Variants in HECW2 observed in about 807,000 individuals in gnomAD.
The protein encoded by HECW2 is HECT, C2 and WW domain containing E3 ubiquitin protein ligase 2, also known as E3 ubiquitin-protein ligase HECW2.
A neutral mutation model predicts 175.2 loss-of-function variants in HECW2; 61 were observed. The observed-to-expected ratio is 0.35, with a 90% CI of 0.28 to 0.43. The LOEUF is 0.43. Among genes scored for constraint, HECW2 ranks in the 20% least tolerant of loss-of-function variants. The pLI is 1.00. For missense variants in HECW2, 1,524 were observed against 2,000.5 expected (o/e 0.76, Z 4.54); for synonymous variants, 671 against 731.0 (o/e 0.92, Z 1.32).
chr2:196,439,873 A>G (rs1215936381), intron 1 of HECW2, among the ~76,000 whole-genome samples: 1 of 152,194 alleles, frequency 6.6e-6, no homozygotes, highest in Non-Finnish European at 1.5e-5. Flanking sequence ...CAAGGAACCC[A>G]GCGCTGTTGG....
At chr2:196,561,244 T>C (rs921749946) in intron 1 of HECW2, among the ~76,000 whole-genome samples, 1 of 152,238 alleles carries the variant, frequency 6.6e-6, no homozygotes, top group Non-Finnish European at 1.5e-5. Flanking sequence ...AGATAAGGGA[T>C]AAAACACGCC....
At chr2:196,278,858 T>C (rs1258222635) in intron 14 of HECW2, among the ~76,000 whole-genome samples, 196 bp from the exon 15 acceptor site, 2 of 152,002 alleles carry the variant, frequency 1.3e-5, no homozygotes, top group Non-Finnish European at 2.9e-5. Context: ...TTAGATGAGA[T>C]CCAGAACGAA....
chr2:196,382,057 G>C (rs1694220801), intron 2 of HECW2, among the ~76,000 whole-genome samples: 1 of 152,004 alleles, frequency 6.6e-6, no homozygotes, highest in Non-Finnish European at 1.5e-5. Context: ...TCTATGTTCT[G>C]ACCTGGAAAA....
At position 196,521,304 on chromosome 2, in the gene HECW2, A is replaced by AAG. The variant is rs577951025; in HGVS notation, c.-36+72203_-36+72204insCT. ...TAACAAAAAAAAAAAAAAAAAAAAA[A>AAG]AAAGAAAGAAAAAGAAAATCCTATC... On this transcript the variant is annotated intron_variant, in intron 1 of 28. Coordinates refer to ENST00000644978, the MANE Select transcript of HECW2 (RefSeq NM_001348768.2). Among the ~76,000 whole-genome samples the AAG allele has an allele frequency of 3.5e-3, 518 of 148,000 alleles. 1 individual carries two copies. The highest frequency in any genetic ancestry group is 0.013 in the African/African-American group (490 of 39,164).
intron 2 of HECW2, among the ~76,000 whole-genome samples, chr2:196,345,619 A>G (rs1692928278): frequency 6.6e-6 from 1 of 152,310 alleles, no homozygotes; most frequent in African/African-American, 2.4e-5. Flanking sequence ...ACCTGCCTTC[A>G]GGCTTCTTGC....
At chr2:196,298,773 T>G (rs1261863221) in intron 13 of HECW2, among the ~76,000 whole-genome samples, 1 of 152,152 alleles carries the variant, frequency 6.6e-6, no homozygotes, top group Non-Finnish European at 1.5e-5. Context: ...TACCTTCAAG[T>G]CATAAAAAAA....
chr2:196,275,034 CA>C (rs1289592222), intron 15 of HECW2, among the ~76,000 whole-genome samples: 40 of 152,190 alleles, frequency 2.6e-4, no homozygotes, highest in African/African-American at 8.9e-4. Flanking sequence ...GCCCTTTTAT[CA>C]TGTTGCATCA....
At chr2:196,498,992 C>T (rs1313671515) in intron 1 of HECW2, among the ~76,000 whole-genome samples, 2 of 152,152 alleles carry the variant, frequency 1.3e-5, no homozygotes, top group Non-Finnish European at 2.9e-5. Context: ...CCTATAATTT[C>T]ATCCAAGACC....
In HECW2 at chr2:196,220,808, C is replaced by A; in HGVS notation, c.4280G>T (p.Arg1427Leu). The A allele has an allele frequency of 6.2e-7, 1 of 1,614,104 alleles. No individual in the cohort carries two copies. Among genetic ancestry groups the A allele is most frequent in the East Asian group, 2.2e-5 (1 of 44,884 alleles). The change falls in exon 25 of 29, where the codon CGT becomes CTT. Residue 1427 changes from arginine (R) to leucine (L), a missense_variant. By Grantham distance (102) the Arg-to-Leu change is moderately radical. Around this residue, in one of 11 missense-constraint regions of HECW2, gnomAD observed 134 missense variants for 287.8 expected, o/e 0.47. Transcript: ENST00000644978. ...GATTGTCTTTACCTCATAGAAGCCA[C>A]GCACTAAGCTCTCTGTTTGCTGTAC... ...GVVQQTESLVRGFYEVVDARL... is the reference protein window; with the variant it reads ...GVVQQTESLVLGFYEVVDARL...
At position 196,244,569 on chromosome 2, in the gene HECW2, G is replaced by A. The variant is rs527328456; in HGVS notation, c.3530-2365C>T. Among the ~76,000 whole-genome samples, 369 of 152,144 alleles carry A rather than the reference G, an allele frequency of 2.4e-3. 1 individual carries two copies. The highest frequency in any genetic ancestry group is 8.5e-3 in the African/African-American group (354 of 41,506). On this transcript the variant is annotated intron_variant, in intron 19 of 28. Coordinates refer to ENST00000644978, the MANE Select transcript of HECW2 (RefSeq NM_001348768.2). ...CATGGCTGCCTGCCCCCCAAGCCCCGCAAGCATTTGTTAAGATCAGTGTTA... is the reference window on the plus strand; with the variant it reads ...CATGGCTGCCTGCCCCCCAAGCCCCACAAGCATTTGTTAAGATCAGTGTTA...
chr2:196,379,468 G>A (rs563312835), intron 2 of HECW2, among the ~76,000 whole-genome samples: 4 of 152,094 alleles, frequency 2.6e-5, no homozygotes, highest in South Asian at 2.1e-4. Flanking sequence ...GGTGGATCAC[G>A]AGGTCAGGAG....
chr2:196,529,111 T>G (rs542844843), intron 1 of HECW2, among the ~76,000 whole-genome samples: 3 of 152,284 alleles, frequency 2.0e-5, no homozygotes, highest in African/African-American at 7.2e-5. Flanking sequence ...CTACACACAA[T>G]TACCCTGTAA....
chr2:196,591,185 G>A (rs1218286638), intron 1 of HECW2, among the ~76,000 whole-genome samples: 1 of 152,164 alleles, frequency 6.6e-6, no homozygotes, highest in Non-Finnish European at 1.5e-5. Context: ...CCAATACCGT[G>A]ATAGAGGCGA....
intron 1 of HECW2, among the ~76,000 whole-genome samples, chr2:196,554,693 T>A (rs528136657): frequency 7.7e-4 from 118 of 152,348 alleles, no homozygotes; most frequent in African/African-American, 2.8e-3. Flanking sequence ...TCTTTTCTTA[T>A]TCCAATTCCA....
chr2:196,537,101 C>T (rs1689046252), intron 1 of HECW2, among the ~76,000 whole-genome samples: 1 of 152,174 alleles, frequency 6.6e-6, no homozygotes, highest in African/African-American at 2.4e-5. Flanking sequence ...TTCCTTCTCC[C>T]TCCATATCTC....
chr2:196,555,041 C>T (rs908217437), intron 1 of HECW2, among the ~76,000 whole-genome samples: 24 of 152,024 alleles, frequency 1.6e-4, no homozygotes, highest in African/African-American at 5.3e-4. Context: ...CCTTCAAGGT[C>T]GCCCAAAATA....
chr2:196,404,668 T>C (rs1559091135), intron 2 of HECW2, among the ~76,000 whole-genome samples: 1 of 152,142 alleles, frequency 6.6e-6, no homozygotes, highest in Non-Finnish European at 1.5e-5. Flanking sequence ...GTGCTCCCAC[T>C]ACAGAAACCC....
At chr2:196,377,689 T>C (rs140314267) in intron 2 of HECW2, among the ~76,000 whole-genome samples, 1 of 152,344 alleles carries the variant, frequency 6.6e-6, no homozygotes, top group Admixed American at 6.5e-5. Context: ...AACCATATCA[T>C]GCAGATTTTC....
At chr2:196,220,276 A>C (rs1687618830) in intron 25 of HECW2, 123 bp from the exon 26 acceptor site, 2 of 661,540 alleles carry the variant, frequency 3.0e-6, no homozygotes, top group South Asian at 1.7e-5. Flanking sequence ...TTGTGTTGGC[A>C]CTTGAAAACC....
Sources: allele counts gnomAD v4.1 joint callset (sites outside exome capture counted in the v4.1 genomes callset), GRCh38; gene constraint gnomAD v4.1.1; regional missense constraint gnomAD v4.1.1; transcripts MANE v1.5; gene names NCBI Gene and HGNC (gene_info 2026-07-23, HGNC 2026-07-21).